Variants in ZNF483 observed in about 807,000 individuals in gnomAD.
The protein encoded by ZNF483 is zinc finger protein HIT-10.
In ZNF483, 9 loss-of-function variants were observed where a neutral mutation model predicts 28.6. The observed-to-expected ratio is 0.32, with a 90% CI of 0.19 to 0.55. The LOEUF is 0.55. ZNF483 is among the 20% of genes least tolerant of loss of function. The pLI, the probability that ZNF483 is intolerant of heterozygous loss-of-function variation, is 0.93. For synonymous variants in ZNF483, 322 were observed against 306.2 expected, an observed-to-expected ratio of 1.05 and a Z score of -0.54; for missense variants, 675 against 871.7, an observed-to-expected ratio of 0.77 and a Z score of 2.84.
At chr9:111,530,631 C>T (rs1439247244) in intron 2 of ZNF483, among the ~76,000 whole-genome samples, 1 of 150,096 alleles carries the variant, frequency 6.7e-6, no homozygotes, top group Non-Finnish European at 1.5e-5. Context: ...GCTGGGGAGT[C>T]CAACACAGAA....
At position 111,554,069 on chromosome 9, in the gene ZNF483, GT is replaced by G. The variant is rs1275740817; in HGVS notation, c.*10902del. ...CACAGGTTTCAAACTCGGTGCCAAG[GT>G]TTCCCATTCCACTCTAGAGATCTCA... On this transcript the variant is annotated 3_prime_UTR_variant, in exon 6 of 6. Transcript: ENST00000309235. 1.3e-5 allele frequency among the ~76,000 whole-genome samples: 2 copies of G among 152,056 alleles called. No individual in the cohort carries two copies. The highest frequency in any genetic ancestry group is 2.9e-5 in the Non-Finnish European group (2 of 68,012).
At chr9:111,569,580 A>G (rs1350850968) in intron 5 of ZNF483, among the ~76,000 whole-genome samples, 1 of 152,168 alleles carries the variant, frequency 6.6e-6, no homozygotes, top group African/African-American at 2.4e-5. Flanking sequence ...CCTGGCCAAC[A>G]TGACGAAAAC....
rs1263087331 is a variant in ZNF483 at position 111,543,016 on chromosome 9, A to C, written c.2081A>C (p.Asn694Thr). 4 of 1,614,062 alleles carry C rather than the reference A, an allele frequency of 2.5e-6. No homozygotes were observed. Among genetic ancestry groups the C allele is most frequent in the Non-Finnish European group, 3.4e-6 (4 of 1,180,016 alleles). Residue 694 changes from asparagine (N) to threonine (T), a missense_variant, in exon 6 of 6, where the codon AAC becomes ACC. By Grantham distance (65) the Asn-to-Thr change is moderately conservative (BLOSUM62 0). This residue lies in a region of ZNF483 where 55 missense variants were observed against 72.4 expected (regional missense o/e 0.76). Coordinates refer to ENST00000309235, the MANE Select transcript of ZNF483 (RefSeq NM_133464.5). Reference sequence around the variant, plus strand: ...ACAGGAGAGAAACCCTATGAGTGTAACTATTGTGGTGCAACCTTTAGTCGA... The same window carrying C: ...ACAGGAGAGAAACCCTATGAGTGTACCTATTGTGGTGCAACCTTTAGTCGA... Reference protein sequence around the residue: ...IHTGEKPYECNYCGATFSRSS... With the variant: ...IHTGEKPYECTYCGATFSRSS...
chr9:111,525,283 C>G (rs1423856480), intron 1 of ZNF483, 21 bp downstream of exon 1: 2 of 152,214 alleles, frequency 1.3e-5, no homozygotes, highest in African/African-American at 4.8e-5. Context: ...TCCCGGGCCC[C>G]GAGTTTCGGG....
intron 5 of ZNF483, chr9:111,563,154 T>C (rs779539678): frequency 6.2e-7 from 1 of 1,614,044 alleles, no homozygotes; most frequent in Non-Finnish European, 8.5e-7. Flanking sequence ...CCAAATTATC[T>C]CCTTTCAGCA....
In ZNF483 at chr9:111,553,431, T is replaced by G. The variant is rs1439619367; in HGVS notation, c.*10261T>G. Among the ~76,000 whole-genome samples, 1 of 152,226 alleles carries G rather than the reference T, an allele frequency of 6.6e-6. No homozygotes were observed. The highest frequency in any genetic ancestry group is 1.5e-5 in the Non-Finnish European group (1 of 68,044). On this transcript the variant is annotated 3_prime_UTR_variant, in exon 6 of 6. Transcript: ENST00000309235. ...AAATATTAAGTATCTCATTTTAGGA[T>G]TCTGATTTACATAGGTATCACTGTA...
rs116090836 is a variant in ZNF483, at chr9:111,551,255, A to G, written c.*8085A>G. 7.2e-3 allele frequency among the ~76,000 whole-genome samples: 1,093 copies of G among 152,310 alleles called. 13 individuals are homozygous for G. The highest frequency in any genetic ancestry group is 0.025 in the African/African-American group (1,019 of 41,556). Reference sequence around the variant, plus strand: ...ATGTAATGTGTTAATCTACACACAAAATTTTCATTTGTAATACATAACTCA... The same window carrying G: ...ATGTAATGTGTTAATCTACACACAAGATTTTCATTTGTAATACATAACTCA... On this transcript the variant is annotated 3_prime_UTR_variant, in exon 6 of 6. Coordinates refer to ENST00000309235, the MANE Select transcript of ZNF483 (RefSeq NM_133464.5).
At chr9:111,561,467 A>G (rs1828320688) in intron 5 of ZNF483, among the ~76,000 whole-genome samples, 1 of 151,798 alleles carries the variant, frequency 6.6e-6, no homozygotes, top group Non-Finnish European at 1.5e-5. Context: ...GATGTGGGGT[A>G]TTGTCCAGTC....
downstream of ZNF483, among the ~76,000 whole-genome samples, chr9:111,558,967 A>T (rs1828199252): frequency 6.6e-6 from 1 of 151,952 alleles, no homozygotes; most frequent in Non-Finnish European, 1.5e-5. Flanking sequence ...TCTCCTGCAG[A>T]TGCTCCTCCA....
intron 5 of ZNF483, among the ~76,000 whole-genome samples, chr9:111,560,972 TATAGAGAG>T (rs1162563286): frequency 3.8e-4 from 8 of 21,320 alleles, no homozygotes; most frequent in African/African-American, 1.2e-3. Flanking sequence ...TATATATATA[TATAGAGAG>T]AGAGAGAGAG....
chr9:111,539,761 CAAA>C (rs201992061), intron 5 of ZNF483: 48 of 105,898 alleles, frequency 4.5e-4, no homozygotes, highest in South Asian at 1.3e-3. Flanking sequence ...AACTCCGTCT[CAAA>C]AAAAAAAAAA....
At chr9:111,574,635 C>T (rs1467157524) in intron 5 of ZNF483, 6 of 684,942 alleles carry the variant, frequency 8.8e-6, no homozygotes, top group South Asian at 2.4e-5. Flanking sequence ...ATATGAAAAT[C>T]TTTCTAATAA....
intron 5 of ZNF483, among the ~76,000 whole-genome samples, chr9:111,566,540 T>C (rs186439608): frequency 1.3e-5 from 2 of 152,328 alleles, no homozygotes; most frequent in African/African-American, 2.4e-5. Context: ...TGCAACTTGA[T>C]TGTTCAGATT....
chr9:111,537,625 GTTA>G (rs79429165), intron 5 of ZNF483, among the ~76,000 whole-genome samples: 26 of 151,866 alleles, frequency 1.7e-4, no homozygotes, highest in East Asian at 3.9e-4. Flanking sequence ...GTTTTATGCA[GTTA>G]TTATTATTAT....
At chr9:111,575,057 T>A (rs1829000218) in intron 5 of ZNF483, among the ~76,000 whole-genome samples, 2 of 152,078 alleles carry the variant, frequency 1.3e-5, no homozygotes, top group East Asian at 3.8e-4. Flanking sequence ...TCCCAACACT[T>A]TGGAAGGTTG....
intron 5 of ZNF483, among the ~76,000 whole-genome samples, chr9:111,575,704 A>T (rs1187408824): frequency 6.6e-6 from 1 of 152,252 alleles, no homozygotes; most frequent in African/African-American, 2.4e-5. Context: ...ATGGAAAATA[A>T]TGCAATTGGG....
In ZNF483 at chr9:111,544,378, A is replaced by G; in HGVS notation, c.*1208A>G. The G allele has an allele frequency of 1.1e-6, 1 of 932,464 alleles. No homozygotes were observed. The allele number at this position is 932,464 out of a possible 1,614,324, so 57.8% of individuals were successfully genotyped here. A position where few individuals can be genotyped will look rare whatever the true frequency, so the allele number is the denominator to read the frequency against. On this transcript the variant is annotated 3_prime_UTR_variant, in exon 6 of 6. Transcript: ENST00000309235. ...TGTGTGTGTGTGTGTGTGTGTATAC[A>G]TTGTTGCCACTATCTAAAATTAGGG...
chr9:111,562,632 T>C (rs1828365242), intron 5 of ZNF483: 1 of 152,286 alleles, frequency 6.6e-6, no homozygotes, highest in South Asian at 2.1e-4. Flanking sequence ...TTGTGTGGAA[T>C]GTGCAGGTTT....
chr9:111,536,354 CTAAAAA>C (rs1304301622), intron 5 of ZNF483, among the ~76,000 whole-genome samples: 6 of 151,110 alleles, frequency 4.0e-5, no homozygotes, highest in Non-Finnish European at 4.4e-5. Flanking sequence ...CCCGTCTCTA[CTAAAAA>C]TACAAAAAAA....
Sources: gnomAD v4.1 joint callset for allele counts (sites outside exome capture counted in the v4.1 genomes callset) on GRCh38, gnomAD v4.1.1 for gene constraint, gnomAD v4.1.1 regional missense constraint, MANE v1.5 for transcripts, NCBI Gene and HGNC (gene_info 2026-07-23, HGNC 2026-07-21) for gene names.